The following ADGRE1 variants were observed in gnomAD, a reference collection of about 807,000 sequenced individuals.
ADGRE1 encodes the protein adhesion G protein-coupled receptor E1.
A neutral mutation model predicts 102.7 loss-of-function variants in ADGRE1; 82 were observed. The ratio of observed to expected loss-of-function variants is 0.80; its 90% CI spans 0.67 to 0.96. ADGRE1 has a LOEUF of 0.96. ADGRE1 is among the 40% of genes least tolerant of loss of function. ADGRE1 has a pLI of 0.00. For synonymous variants in ADGRE1, 398 were observed against 399.6 expected, an observed-to-expected ratio of 1.00 and a Z score of 0.05; for missense variants, 1,032 against 1,085.3, an observed-to-expected ratio of 0.95 and a Z score of 0.69.
chr19:6,911,385 GTTTT>G (rs772959056), intron 10 of ADGRE1, among the ~76,000 whole-genome samples: 21 of 79,852 alleles, frequency 2.6e-4, no homozygotes, highest in East Asian at 8.0e-4. Flanking sequence ...ATTCCTTTTA[GTTTT>G]TTTTTTTTTT....
At chr19:6,914,773 G>T (rs1974315015) in intron 11 of ADGRE1, among the ~76,000 whole-genome samples, 2 of 152,300 alleles carry the variant, frequency 1.3e-5, no homozygotes, top group South Asian at 2.1e-4. Context: ...GTTAGAGAGG[G>T]TTGGGATTAC....
chr19:6,904,757 C>T (rs552119710), intron 8 of ADGRE1, among the ~76,000 whole-genome samples: 11 of 152,204 alleles, frequency 7.2e-5, no homozygotes, highest in African/African-American at 1.2e-4. Context: ...CAGCCCGCCT[C>T]GGCCTCCCAA....
intron 6 of ADGRE1, 68 bp downstream of exon 6, chr19:6,902,089 G>C (rs961524136): frequency 1.9e-6 from 3 of 1,584,598 alleles, no homozygotes; most frequent in African/African-American, 2.7e-5. Flanking sequence ...GAGGGGATTA[G>C]GGTGGGTCTT....
At chr19:6,892,128 G>A (rs999837666) in intron 2 of ADGRE1, among the ~76,000 whole-genome samples, 4 of 152,088 alleles carry the variant, frequency 2.6e-5, no homozygotes, top group Non-Finnish European at 4.4e-5. Context: ...ATAAAATGCC[G>A]GAAGTCTGCA....
intron 20 of ADGRE1, among the ~76,000 whole-genome samples, chr19:6,939,363 T>A (rs1055928438): frequency 6.6e-6 from 1 of 152,160 alleles, no homozygotes; most frequent in African/African-American, 2.4e-5. Flanking sequence ...CAGTGAGTCA[T>A]ATTTTTGGAT....
intron 12 of ADGRE1, among the ~76,000 whole-genome samples, chr19:6,916,627 T>C (rs1974395294): frequency 6.6e-6 from 1 of 152,182 alleles, no homozygotes; most frequent in South Asian, 2.1e-4. Context: ...GAAATTTGTA[T>C]AAGCCAGGTT....
chr19:6,937,755 C>A, intron 20 of ADGRE1, 107 bp downstream of exon 20: 1 of 938,432 alleles, frequency 1.1e-6, no homozygotes. Context: ...CTGAGGGTGC[C>A]CACCCTAGTT....
Position 6,906,506 on chromosome 19 carries a change from A to C in ADGRE1, c.1023A>C (p.Ala341=), listed in dbSNP as rs749945530. 3.1e-6 allele frequency: 5 copies of C among 1,613,718 alleles called. No individual in the cohort carries two copies. The highest frequency in any genetic ancestry group is 4.2e-6 in the Non-Finnish European group (5 of 1,179,768). The change falls in exon 9 of 21, where the codon GCA becomes GCC. Residue 341 remains alanine (A), a synonymous_variant. Coordinates refer to ENST00000312053, the MANE Select transcript of ADGRE1 (RefSeq NM_001974.5). The part of the protein sequence containing the change: ...KQIQQCQEGT[A]VKPAYVSFCA... ...TCCAGCAATGCCAAGAGGGAACCGCAGTGAAACCTGCATATGCAAGTATTT... is the reference window on the plus strand; with the variant it reads ...TCCAGCAATGCCAAGAGGGAACCGCCGTGAAACCTGCATATGCAAGTATTT...
At chr19:6,903,732 T>G (rs541615673) in intron 6 of ADGRE1, 78 bp from the exon 7 acceptor site, 2 of 1,572,032 alleles carry the variant, frequency 1.3e-6, no homozygotes, top group East Asian at 4.5e-5. Context: ...GAAACATGAC[T>G]CCATATTTTG....
At chr19:6,924,209 C>G (rs1311167999) in intron 14 of ADGRE1, among the ~76,000 whole-genome samples, 1 of 151,924 alleles carries the variant, frequency 6.6e-6, no homozygotes, top group Non-Finnish European at 1.5e-5. Context: ...TCCCCCAATG[C>G]AGCTGTAACT....
chr19:6,898,432 C>T (rs1422333271), intron 5 of ADGRE1: 5 of 1,600,492 alleles, frequency 3.1e-6, no homozygotes, highest in Non-Finnish European at 4.3e-6. Flanking sequence ...TGACTGGATC[C>T]CAGGAAAGCC....
chr19:6,896,461 G>C lies in ADGRE1; in HGVS notation c.158G>C (p.Ser53Thr), dbSNP rs200846243. The C allele has an allele frequency of 3.5e-4, 571 of 1,614,038 alleles. No homozygotes were observed. Among genetic ancestry groups the C allele is most frequent in the Non-Finnish European group, 3.7e-4 (438 of 1,180,000 alleles). Residue 53 changes from serine (S) to threonine (T), a missense_variant, in exon 3 of 21, where the codon AGT (serine) becomes ACT (threonine). Coordinates refer to ENST00000312053, the MANE Select transcript of ADGRE1 (RefSeq NM_001974.5). ...AYATCTNTVDSYYCACKQGFL... is the reference protein window; with the variant it reads ...AYATCTNTVDTYYCACKQGFL... ...GCCACCTGCACCAATACAGTGGACA[G>C]TTACTATTGCGCTTGCAAACAAGGC...
intron 9 of ADGRE1, among the ~76,000 whole-genome samples, chr19:6,907,529 G>A (rs74529141): frequency 2.0e-5 from 3 of 151,886 alleles, no homozygotes; most frequent in South Asian, 2.1e-4. Flanking sequence ...TAGTAGAGAC[G>A]GGGTTTTGCC....
At chr19:6,912,567 A>G (rs998658958) in intron 10 of ADGRE1, among the ~76,000 whole-genome samples, 1 of 152,152 alleles carries the variant, frequency 6.6e-6, no homozygotes, top group Non-Finnish European at 1.5e-5. Flanking sequence ...AATTAAACCA[A>G]TTGTTTCTAA....
chr19:6,906,527 T>C lies in ADGRE1; in HGVS notation c.1038+6T>C, dbSNP rs1973964542. Reference sequence around the variant, plus strand: ...CCGCAGTGAAACCTGCATATGCAAGTATTTTTTAAGGTTCCTAGTTTTTGA... The same window carrying C: ...CCGCAGTGAAACCTGCATATGCAAGCATTTTTTAAGGTTCCTAGTTTTTGA... On this transcript the variant is annotated splice_donor_region_variant and intron_variant, in intron 9 of 20. Transcript: ENST00000312053. The C allele has an allele frequency of 6.2e-7, 1 of 1,611,924 alleles. No individual in the cohort carries two copies. The highest frequency in any genetic ancestry group is 2.2e-5 in the East Asian group (1 of 44,866).
chr19:6,919,264 C>T (rs531582105), intron 12 of ADGRE1, among the ~76,000 whole-genome samples: 125 of 151,682 alleles, frequency 8.2e-4, no homozygotes, highest in Middle Eastern at 3.4e-3. Context: ...ATCTCCTGAC[C>T]TCGTGATCCA....
At chr19:6,932,269 C>A (rs1421819483) in intron 17 of ADGRE1, among the ~76,000 whole-genome samples, 1 of 151,794 alleles carries the variant, frequency 6.6e-6, no homozygotes, top group Non-Finnish European at 1.5e-5. Context: ...GAGATCGAGA[C>A]CATCCTGGCT....
intron 1 of ADGRE1, among the ~76,000 whole-genome samples, chr19:6,888,132 C>T (rs1023236247): frequency 1.3e-5 from 2 of 152,156 alleles, no homozygotes. Context: ...TTTCCCAAGG[C>T]CACTTAGTCA....
At chr19:6,914,293 A>G (rs1488762666) in intron 11 of ADGRE1, among the ~76,000 whole-genome samples, 1 of 152,248 alleles carries the variant, frequency 6.6e-6, no homozygotes, top group Non-Finnish European at 1.5e-5. Context: ...GCTTCAGATC[A>G]CAGCTGCTCC....
Sources: allele counts gnomAD v4.1 joint callset (sites outside exome capture counted in the v4.1 genomes callset), GRCh38; gene constraint gnomAD v4.1.1; transcripts MANE v1.5; gene names NCBI Gene and HGNC (gene_info 2026-07-23, HGNC 2026-07-21).